Variants in TASP1 observed in about 807,000 individuals in gnomAD.
The protein encoded by TASP1 is taspase 1, also known as threonine aspartase 1.
TASP1 carries 16 observed loss-of-function variants against 56.6 expected under a neutral mutation model. The ratio of observed to expected loss-of-function variants is 0.28; its 90% CI spans 0.19 to 0.43. The LOEUF (loss-of-function observed/expected upper bound fraction) is 0.43. Among genes scored for constraint, TASP1 ranks in the 20% least tolerant of loss-of-function variants. The probability of loss-of-function intolerance (pLI) is 1.00; values close to 1 mark genes in which losing one functional copy is unlikely to be tolerated. For missense variants in TASP1, 393 were observed against 511.6 expected, an observed-to-expected ratio of 0.77 and a Z score of 2.24; for synonymous variants, 179 against 184.2, an observed-to-expected ratio of 0.97 and a Z score of 0.23.
chr20:13,611,693 C>T (rs989456179), intron 4 of TASP1, among the ~76,000 whole-genome samples: 1 of 152,148 alleles, frequency 6.6e-6, no homozygotes, highest in Non-Finnish European at 1.5e-5. Flanking sequence ...TTATTTCCAG[C>T]TATACCTTAA....
Position 13,604,557 on chromosome 20 carries a change from G to A in TASP1, c.283-17187C>T, listed in dbSNP as rs558134974. Among the ~76,000 whole-genome samples the A allele has an allele frequency of 5.9e-5, 9 of 152,232 alleles. No homozygotes were observed. The South Asian group carries it at 1.9e-3, about 32-fold the overall frequency. ...TTCTTTATAAATTATCCAGCCTCAGGTATTCCTTTATAGCAATGCGAAAGC... is the reference window on the plus strand; with the variant it reads ...TTCTTTATAAATTATCCAGCCTCAGATATTCCTTTATAGCAATGCGAAAGC... On this transcript the variant is annotated intron_variant, in intron 4 of 13. Transcript: ENST00000337743.
At chr20:13,160,884 T>C in the TASP1 span, among the ~76,000 whole-genome samples, 1 of 152,200 alleles carries the variant, frequency 6.6e-6, no homozygotes, top group African/African-American at 2.4e-5. Flanking sequence ...GTGGAGAAGA[T>C]TCACAGGGGA....
the TASP1 span, among the ~76,000 whole-genome samples, chr20:13,123,163 T>C: frequency 6.6e-6 from 1 of 152,056 alleles, no homozygotes; most frequent in Admixed American, 6.5e-5. Flanking sequence ...AAACCCCATC[T>C]CTACTAAAAA....
At chr20:13,485,255 C>T (rs6109908) in intron 10 of TASP1, among the ~76,000 whole-genome samples, 38,630 of 151,942 alleles carry the variant, frequency 0.25, 5,071 homozygotes, top group Middle Eastern at 0.31. Flanking sequence ...TTAGTCATAG[C>T]AGATTAGAAA....
At chr20:13,339,687 T>C in the TASP1 span, among the ~76,000 whole-genome samples, 2 of 152,040 alleles carry the variant, frequency 1.3e-5, no homozygotes, top group African/African-American at 4.8e-5. Context: ...ATAACTCAAG[T>C]AGACATGGCC....
chr20:13,341,156 T>C, the TASP1 span, among the ~76,000 whole-genome samples: 19 of 152,326 alleles, frequency 1.2e-4, no homozygotes, highest in South Asian at 3.1e-3. Context: ...AGACTGAGCA[T>C]AGAGTTCTTC....
the TASP1 span, chr20:13,300,451 A>G: frequency 2.0e-5 from 3 of 152,246 alleles, no homozygotes; most frequent in Admixed American, 6.5e-5. Context: ...TTAGTTTTTT[A>G]TGTTTTAAGA....
At chr20:13,586,306 A>G (rs2047304360) in intron 5 of TASP1, among the ~76,000 whole-genome samples, 1 of 152,202 alleles carries the variant, frequency 6.6e-6, no homozygotes. Context: ...GAGAGTAAAT[A>G]CAGAAGTTAT....
chr20:13,597,672 T>C (rs1267314048), intron 4 of TASP1, among the ~76,000 whole-genome samples: 1 of 152,172 alleles, frequency 6.6e-6, no homozygotes, highest in Non-Finnish European at 1.5e-5. Context: ...GTGTTGGAAG[T>C]TCTGGCCAGA....
At chr20:13,625,858 A>C (rs752001948) in intron 2 of TASP1, among the ~76,000 whole-genome samples, 1 of 152,216 alleles carries the variant, frequency 6.6e-6, no homozygotes, top group Non-Finnish European at 1.5e-5. Context: ...ATGACTCTCT[A>C]TGAGAATTCC....
chr20:13,122,256 A>G, the TASP1 span, among the ~76,000 whole-genome samples: 1 of 152,338 alleles, frequency 6.6e-6, no homozygotes, highest in South Asian at 2.1e-4. Context: ...TCCCTTTTGG[A>G]GAAACAAGAG....
the TASP1 span, among the ~76,000 whole-genome samples, chr20:13,304,883 C>T: frequency 6.6e-6 from 1 of 152,180 alleles, no homozygotes; most frequent in Non-Finnish European, 1.5e-5. Flanking sequence ...CTCTTCCCCA[C>T]TTCCCTACTA....
At position 13,389,585 on chromosome 20, in the gene TASP1, A is replaced by T. The variant is rs2041201438; in HGVS notation, c.*775T>A. The T allele has an allele frequency of 6.6e-6, 1 of 152,640 alleles. No homozygotes were observed. Among genetic ancestry groups the T allele is most frequent in the Admixed American group, 6.5e-5 (1 of 15,284 alleles). The allele number at this position is 152,640 out of a possible 1,614,324, so 9.5% of individuals were successfully genotyped here. A position where few individuals can be genotyped will look rare whatever the true frequency, so the allele number is the denominator to read the frequency against. On this transcript the variant is annotated 3_prime_UTR_variant, in exon 14 of 14. Coordinates refer to ENST00000337743, the MANE Select transcript of TASP1 (RefSeq NM_017714.3). ...TTGTAAATAACTTTCCATTATACAC[A>T]AATTAAGGACTGTGCATTACTGTAT... is the stretch of plus-strand genomic sequence containing the variant.
the TASP1 span, among the ~76,000 whole-genome samples, chr20:13,127,012 G>A: frequency 1.3e-5 from 2 of 152,266 alleles, no homozygotes; most frequent in African/African-American, 4.8e-5. Flanking sequence ...GCGCACGTGA[G>A]CGTGCACATG....
the TASP1 span, among the ~76,000 whole-genome samples, chr20:13,198,113 C>T: frequency 9.9e-5 from 15 of 152,182 alleles, no homozygotes; most frequent in Admixed American, 5.2e-4. Context: ...TTTAATATTA[C>T]TCTTCATATA....
chr20:13,564,609 T>C (rs2046451752), intron 7 of TASP1, among the ~76,000 whole-genome samples: 1 of 150,868 alleles, frequency 6.6e-6, no homozygotes. Flanking sequence ...ATGTACAATC[T>C]AAAGGGACCC....
chr20:13,529,520 G>A (rs1601136978), intron 9 of TASP1, among the ~76,000 whole-genome samples: 1 of 152,132 alleles, frequency 6.6e-6, no homozygotes, highest in Non-Finnish European at 1.5e-5. Context: ...GTGAGGAAAT[G>A]GCTAAACTTT....
the TASP1 span, among the ~76,000 whole-genome samples, chr20:13,376,942 A>G: frequency 6.6e-6 from 1 of 152,202 alleles, no homozygotes; most frequent in Non-Finnish European, 1.5e-5. Context: ...GAGACTTTGC[A>G]GAAGTTGCTT....
the TASP1 span, among the ~76,000 whole-genome samples, chr20:13,140,628 C>T: frequency 6.6e-6 from 1 of 151,042 alleles, no homozygotes; most frequent in Non-Finnish European, 1.5e-5. Context: ...ATTCATTCTA[C>T]AGCATATCTA....
Sources: gnomAD v4.1 joint callset for allele counts (sites outside exome capture counted in the v4.1 genomes callset) on GRCh38, gnomAD v4.1.1 for gene constraint, MANE v1.5 for transcripts, NCBI Gene and HGNC (gene_info 2026-07-23, HGNC 2026-07-21) for gene names.